Variants in EPHB1 observed in about 807,000 individuals in gnomAD.
The protein encoded by EPHB1 is ephrin type-B receptor 1.
A neutral mutation model predicts 94.4 loss-of-function variants in EPHB1; 30 were observed. The observed-to-expected ratio is 0.32, with a 90% CI of 0.24 to 0.43. EPHB1 has a LOEUF of 0.43. EPHB1 is among the 20% of genes least tolerant of loss of function. The pLI, the probability that EPHB1 is intolerant of heterozygous loss-of-function variation, is 1.00. For synonymous variants in EPHB1, 522 were observed against 489.1 expected (o/e 1.07, Z -0.89); for missense variants, 1,055 against 1,308.3 (o/e 0.81, Z 2.99).
At chr3:134,958,199 G>A (rs72973543) in intron 3 of EPHB1, among the ~76,000 whole-genome samples, 2,283 of 152,264 alleles carry the variant, frequency 0.015, 45 homozygotes, top group African/African-American at 0.051. Context: ...GTCAGCTTGA[G>A]CAGCTGAGAT....
At chr3:135,096,119 A>G (rs1435016552) in intron 3 of EPHB1, among the ~76,000 whole-genome samples, 1 of 152,252 alleles carries the variant, frequency 6.6e-6, no homozygotes, top group East Asian at 1.9e-4. Context: ...ATTGTTGATG[A>G]AAACATTCAG....
intron 1 of EPHB1, among the ~76,000 whole-genome samples, chr3:134,798,632 C>A (rs2108281459): frequency 6.6e-6 from 1 of 152,320 alleles, no homozygotes; most frequent in Admixed American, 6.5e-5. Flanking sequence ...GCCTTCTGGA[C>A]ACAAAGCCAG....
chr3:135,089,201 A>G (rs1424663211), intron 3 of EPHB1, among the ~76,000 whole-genome samples: 1 of 152,252 alleles, frequency 6.6e-6, no homozygotes, highest in African/African-American at 2.4e-5. Context: ...TACTCCAGCC[A>G]GTAAGCTATC....
intron 3 of EPHB1, among the ~76,000 whole-genome samples, chr3:134,957,846 C>G (rs1933341857): frequency 6.6e-6 from 1 of 152,180 alleles, no homozygotes; most frequent in Non-Finnish European, 1.5e-5. Flanking sequence ...AACTGGGAAT[C>G]TGTGTAGGTT....
At chr3:134,852,025 G>A (rs976069766) in intron 1 of EPHB1, among the ~76,000 whole-genome samples, 1 of 152,152 alleles carries the variant, frequency 6.6e-6, no homozygotes, top group Non-Finnish European at 1.5e-5. Flanking sequence ...GAATCCCAGG[G>A]CTACAAGGGT....
Position 135,074,343 on chromosome 3 carries a change from T to G in EPHB1, c.806-32105T>G, listed in dbSNP as rs542119543. Among the ~76,000 whole-genome samples, 10 of 152,322 alleles carry G rather than the reference T, an allele frequency of 6.6e-5. No homozygotes were observed. The East Asian group carries it at 1.9e-3, about 29-fold the overall frequency. On this transcript the variant is annotated intron_variant, in intron 3 of 15. Coordinates refer to ENST00000398015, the MANE Select transcript of EPHB1 (RefSeq NM_004441.5). Reference sequence around the variant, plus strand: ...GATATTTGTTGAATGAATGAGAAATTGAATAAATGCAAGTTTAGAATTGTC... The same window carrying G: ...GATATTTGTTGAATGAATGAGAAATGGAATAAATGCAAGTTTAGAATTGTC...
At chr3:134,930,734 C>T (rs1310920153) in intron 2 of EPHB1, among the ~76,000 whole-genome samples, 3 of 152,224 alleles carry the variant, frequency 2.0e-5, no homozygotes, top group African/African-American at 4.8e-5. Context: ...GTTCCTTCTT[C>T]CCGACACTCT....
chr3:134,873,795 G>A (rs750665100), intron 1 of EPHB1, among the ~76,000 whole-genome samples: 2 of 152,220 alleles, frequency 1.3e-5, no homozygotes, highest in African/African-American at 4.8e-5. Flanking sequence ...CAATGGAGGG[G>A]TCTCCAGTGT....
chr3:134,955,759 C>A (rs1256470288), intron 3 of EPHB1, among the ~76,000 whole-genome samples: 1 of 152,222 alleles, frequency 6.6e-6, no homozygotes, highest in Non-Finnish European at 1.5e-5. Flanking sequence ...GGCAGAGTCA[C>A]ATTGGCCTGC....
At chr3:134,975,038 C>T (rs1471012621) in intron 3 of EPHB1, among the ~76,000 whole-genome samples, 1 of 138,060 alleles carries the variant, frequency 7.2e-6, no homozygotes. Flanking sequence ...TGACCTCCCC[C>T]ACCTCTCTCT....
At chr3:135,020,349 C>T (rs1247558842) in intron 3 of EPHB1, among the ~76,000 whole-genome samples, 1 of 152,120 alleles carries the variant, frequency 6.6e-6, no homozygotes, top group East Asian at 1.9e-4. Context: ...AGTTGTGCAA[C>T]CATCGCCACA....
At chr3:134,958,414 GTGTGTGT>G (rs1559771731) in intron 3 of EPHB1, among the ~76,000 whole-genome samples, 208 of 101,514 alleles carry the variant, frequency 2.0e-3, no homozygotes, top group Middle Eastern at 3.9e-3. Context: ...ACACAAGGGA[GTGTGTGT>G]GTGTGTGTGT....
intron 11 of EPHB1, among the ~76,000 whole-genome samples, chr3:135,197,657 G>T (rs116583088): frequency 6.6e-6 from 1 of 152,116 alleles, no homozygotes; most frequent in African/African-American, 2.4e-5. Flanking sequence ...AAGTGGCTTC[G>T]GTGCATTTGC....
chr3:135,115,383 T>A lies in EPHB1; in HGVS notation c.961+8780T>A, dbSNP rs149388961. On this transcript the variant is annotated intron_variant, in intron 4 of 15. Transcript: ENST00000398015. ...ATATTCTCTGCTCCAATTGTTCACCTCTAAGGCGAAGGCAGTCAGGAGTGA... is the reference window on the plus strand; with the variant it reads ...ATATTCTCTGCTCCAATTGTTCACCACTAAGGCGAAGGCAGTCAGGAGTGA... Among the ~76,000 whole-genome samples, 11 of 152,284 alleles carry A rather than the reference T, an allele frequency of 7.2e-5. No homozygotes were observed. In the East Asian group the frequency reaches 2.1e-3, roughly 29 times the overall value.
At chr3:135,183,026 T>TTTCTTTC (rs1491563158) in intron 10 of EPHB1, among the ~76,000 whole-genome samples, 74 of 94,672 alleles carry the variant, frequency 7.8e-4, no homozygotes, top group African/African-American at 1.5e-3. Context: ...TTTTCTTTTC[T>TTTCTTTC]TTTCTTTCTT....
At chr3:135,115,148 A>G (rs992094258) in intron 4 of EPHB1, among the ~76,000 whole-genome samples, 3 of 152,182 alleles carry the variant, frequency 2.0e-5, no homozygotes, top group Non-Finnish European at 4.4e-5. Context: ...GATTAACGTG[A>G]AGTGCATCCA....
At chr3:135,025,063 G>A (rs376778650) in intron 3 of EPHB1, among the ~76,000 whole-genome samples, 18 of 147,410 alleles carry the variant, frequency 1.2e-4, no homozygotes, top group East Asian at 1.2e-3. Flanking sequence ...TAAATGTAGC[G>A]TGTTTAGATT....
At chr3:134,956,846 T>A (rs954322810) in intron 3 of EPHB1, among the ~76,000 whole-genome samples, 1 of 152,160 alleles carries the variant, frequency 6.6e-6, no homozygotes, top group Non-Finnish European at 1.5e-5. Flanking sequence ...GGCATGGGAC[T>A]CCCTCATCCA....
intron 3 of EPHB1, among the ~76,000 whole-genome samples, chr3:135,062,322 T>C (rs1576355498): frequency 6.6e-6 from 1 of 152,224 alleles, no homozygotes; most frequent in African/African-American, 2.4e-5. Flanking sequence ...TGTAGAAGTG[T>C]TCCCTGATCA....
Sources: allele counts gnomAD v4.1 joint callset (sites outside exome capture counted in the v4.1 genomes callset), GRCh38; gene constraint gnomAD v4.1.1; transcripts MANE v1.5; gene names NCBI Gene and HGNC (gene_info 2026-07-23, HGNC 2026-07-21).